Variants in RNF19A observed in about 807,000 individuals in gnomAD.
The protein encoded by RNF19A is E3 ubiquitin-protein ligase RNF19A.
RNF19A carries 32 observed loss-of-function variants against 75.7 expected under a neutral mutation model. The observed-to-expected ratio is 0.42, with a 90% CI of 0.32 to 0.57. The LOEUF (loss-of-function observed/expected upper bound fraction) is 0.57, where lower values mean the gene tolerates loss of function less well. Ranked by LOEUF, RNF19A falls within the 20% of genes least tolerant of loss-of-function variation. The pLI is 0.10. For missense variants in RNF19A, 782 were observed against 1,036.3 expected, an observed-to-expected ratio of 0.75 and a Z score of 3.37; for synonymous variants, 335 against 345.2, an observed-to-expected ratio of 0.97 and a Z score of 0.33.
intron 1 of RNF19A, among the ~76,000 whole-genome samples, chr8:100,308,710 G>T (rs1044020219): frequency 6.6e-6 from 1 of 152,028 alleles, no homozygotes; most frequent in East Asian, 1.9e-4. Flanking sequence ...AATGTGGAAT[G>T]TAAAGATCAC....
rs1440291622 is a variant in RNF19A at position 100,261,750 on chromosome 8, T to A, written c.1474A>T (p.Thr492Ser). ...VGGTNTAVDTTSVAEARHNPS... is the reference protein window; with the variant it reads ...VGGTNTAVDTSSVAEARHNPS... ...TTGTGTCTTGCTTCTGCTACTGATG[T>A]TGTGTCTAAATGCAAATATTCCAAA... Residue 492 changes from threonine (T) to serine (S), a missense_variant, in exon 8 of 10, where the codon ACA becomes TCA. Around this residue, in one of 7 missense-constraint regions of RNF19A, gnomAD observed 442 missense variants for 541.6 expected, o/e 0.82. Coordinates refer to ENST00000341084, the MANE Select transcript of RNF19A (RefSeq NM_183419.4). This position sits in a 1 kb window ranked among gnomAD's most constrained non-coding sequence, Gnocchi z 4.4. The A allele has an allele frequency of 1.9e-6, 3 of 1,613,978 alleles. No individual in the cohort carries two copies. The highest frequency in any genetic ancestry group is 1.1e-5 in the South Asian group (1 of 91,078).
At position 100,287,648 on chromosome 8, in the gene RNF19A, C is replaced by T; in HGVS notation, c.527G>A (p.Cys176Tyr). 1.9e-6 allele frequency: 3 copies of T among 1,614,082 alleles called. No individual in the cohort carries two copies. The highest frequency in any genetic ancestry group is 2.5e-6 in the Non-Finnish European group (3 of 1,180,000). Residue 176 changes from cysteine (C) to tyrosine (Y), a missense_variant, in exon 2 of 10, where the codon TGC becomes TAC. This residue lies in a region of RNF19A where 85 missense variants were observed against 177.7 expected (regional missense o/e 0.48). Transcript: ENST00000341084. The surrounding 1 kb of genome is among the most constrained non-coding windows in gnomAD (Gnocchi z 4.1). ...ATTAAACCGTTCAGTACATTCTGGG[C>T]AACTAATATTAACTCTGCTTTCAGA... Reference protein sequence around the residue: ...EISESRVNISCPECTERFNPH... With the variant: ...EISESRVNISYPECTERFNPH...
At chr8:100,334,814 C>G (rs1490794949) in intron 1 of RNF19A, among the ~76,000 whole-genome samples, 1 of 152,142 alleles carries the variant, frequency 6.6e-6, no homozygotes, top group Non-Finnish European at 1.5e-5. Flanking sequence ...TTAGATAAGT[C>G]CTTTGACATC....
At chr8:100,310,107 C>G (rs1330038834), upstream of RNF19A, 5 of 985,578 alleles carry the variant, frequency 5.1e-6, no homozygotes, top group East Asian at 3.4e-4. Flanking sequence ...ACCACCTCCC[C>G]CTCCCGCAGC....
rs59052712 is a variant in RNF19A at position 100,296,752 on chromosome 8, A to C, written c.-93-8485T>G. Among the ~76,000 whole-genome samples the C allele has an allele frequency of 5.1e-3, 782 of 152,346 alleles. 8 individuals carry two copies. Among genetic ancestry groups the C allele is most frequent in the African/African-American group, 0.018 (765 of 41,582 alleles). On this transcript the variant is annotated intron_variant, in intron 1 of 9. Coordinates refer to ENST00000341084, the MANE Select transcript of RNF19A (RefSeq NM_183419.4). ...AATCATTCCTACTCTCGCTATTTACATTATTAGTACAGCATTCACAGCTGT... is the reference window on the plus strand; with the variant it reads ...AATCATTCCTACTCTCGCTATTTACCTTATTAGTACAGCATTCACAGCTGT...
chr8:100,319,317 T>C (rs1822430718), intron 1 of RNF19A, among the ~76,000 whole-genome samples: 1 of 152,162 alleles, frequency 6.6e-6, no homozygotes, highest in Non-Finnish European at 1.5e-5. Context: ...TTTTTCTTTT[T>C]TAACACAAAA....
chr8:100,260,088 T>C lies in RNF19A; in HGVS notation c.1683-91A>G. The C allele has an allele frequency of 1.8e-6, 2 of 1,124,934 alleles. No individual in the cohort carries two copies. The highest frequency in any genetic ancestry group is 2.6e-6 in the Non-Finnish European group (2 of 766,780). 69.7% of individuals were successfully genotyped at this position (1,124,934 alleles called of 1,614,324 possible). A position where few individuals can be genotyped will look rare whatever the true frequency, so the allele number is the denominator to read the frequency against. ...TAAATAATTCAGTTAAGAACCCTAGTAACCAGAAGCTATTTTAGGAACCAT... is the reference window on the plus strand; with the variant it reads ...TAAATAATTCAGTTAAGAACCCTAGCAACCAGAAGCTATTTTAGGAACCAT... On this transcript the variant is annotated intron_variant, in intron 8 of 9. Transcript: ENST00000341084. This position sits in a 1 kb window ranked among gnomAD's most constrained non-coding sequence, Gnocchi z 4.1.
In RNF19A at chr8:100,325,420, G is replaced by A. The variant is rs567529990; in HGVS notation, c.-243+10688C>T. 3.3e-5 allele frequency among the ~76,000 whole-genome samples: 5 copies of A among 152,204 alleles called. No individual in the cohort carries two copies. Among genetic ancestry groups the A allele is most frequent in the South Asian group, 4.1e-4 (2 of 4,828 alleles). Reference sequence around the variant, plus strand: ...ATGGTGTCTGCTAATTTGCCCCTCTGTTTAACCTGGCCAGTTTCATGATCT... The same window carrying A: ...ATGGTGTCTGCTAATTTGCCCCTCTATTTAACCTGGCCAGTTTCATGATCT... On this transcript the variant is annotated intron_variant, in intron 1 of 3. Coordinates refer to the RNF19A transcript ENST00000519527. The surrounding 1 kb of genome is among the most constrained non-coding windows in gnomAD (Gnocchi z 4.3).
chr8:100,261,529 C>G lies in RNF19A; in HGVS notation c.1682+13G>C. 6.2e-7 allele frequency: 1 copy of G among 1,612,520 alleles called. No individual in the cohort carries two copies. The highest frequency in any genetic ancestry group is 1.3e-5 in the African/African-American group (1 of 74,994). Reference sequence around the variant, plus strand: ...TACCAGAAAGCAGAACCAAACCAAACCAAAACACACACCTGTTAAAACAGT... The same window carrying G: ...TACCAGAAAGCAGAACCAAACCAAAGCAAAACACACACCTGTTAAAACAGT... On this transcript the variant is annotated intron_variant, in intron 8 of 9. Transcript: ENST00000341084. The surrounding 1 kb of genome is among the most constrained non-coding windows in gnomAD (Gnocchi z 4.4).
rs918171368 is a variant in RNF19A, at chr8:100,284,382, C to G, written c.674+3119G>C. The stretch of plus-strand genomic sequence containing the variant: ...CCTACATCACCAAGTATGTGAAATA[C>G]GACCATAACAACTAACAGAGCAGTA... On this transcript the variant is annotated intron_variant, in intron 2 of 9. Transcript: ENST00000341084. This position sits in a 1 kb window ranked among gnomAD's most constrained non-coding sequence, Gnocchi z 4.3. Among the ~76,000 whole-genome samples the G allele has an allele frequency of 6.6e-6, 1 of 152,004 alleles. No individual in the cohort carries two copies. The highest frequency in any genetic ancestry group is 1.5e-5 in the Non-Finnish European group (1 of 67,956).
chr8:100,334,642 G>A (rs994607147), intron 1 of RNF19A, among the ~76,000 whole-genome samples: 1 of 152,128 alleles, frequency 6.6e-6, no homozygotes, highest in Non-Finnish European at 1.5e-5. Context: ...GACCAGCATT[G>A]GTATGTTTTC....
chr8:100,309,556 AG>A (rs1822212349), intron 1 of RNF19A: 1 of 981,988 alleles, frequency 1.0e-6, no homozygotes, highest in African/African-American at 1.7e-5. Flanking sequence ...CCGGCCGCAC[AG>A]GCACCAGGAG....
chr8:100,299,805 T>C (rs1161303405), intron 1 of RNF19A, among the ~76,000 whole-genome samples: 1 of 152,130 alleles, frequency 6.6e-6, no homozygotes, highest in Non-Finnish European at 1.5e-5. Context: ...TGGACTAATC[T>C]TATCCTAACC....
chr8:100,303,306 T>G (rs1228775816), intron 1 of RNF19A: 1 of 152,260 alleles, frequency 6.6e-6, no homozygotes, highest in African/African-American at 2.4e-5. Context: ...TCCGCCTCCA[T>G]GAGCACACTG....
At chr8:100,328,407 G>T (rs1822567193) in intron 1 of RNF19A, among the ~76,000 whole-genome samples, 3 of 152,048 alleles carry the variant, frequency 2.0e-5, no homozygotes, top group Non-Finnish European at 2.9e-5. Context: ...ACAGGTTCTA[G>T]TCTAAGGGGC....
At chr8:100,298,868 AG>A (rs1821693517) in intron 1 of RNF19A, among the ~76,000 whole-genome samples, 1 of 152,250 alleles carries the variant, frequency 6.6e-6, no homozygotes, top group Non-Finnish European at 1.5e-5. Context: ...CTCTTCGACA[AG>A]AAGCACAAAC....
In RNF19A at chr8:100,324,827, TC is replaced by T. The variant is rs534168025; in HGVS notation, c.-243+11280del. 6.8e-6 allele frequency among the ~76,000 whole-genome samples: 1 copy of T among 147,470 alleles called. No homozygotes were observed. Among genetic ancestry groups the T allele is most frequent in the Non-Finnish European group, 1.5e-5 (1 of 65,246 alleles). On this transcript the variant is annotated intron_variant, in intron 1 of 3. Coordinates refer to the RNF19A transcript ENST00000519527. The surrounding 1 kb of genome is among the most constrained non-coding windows in gnomAD (Gnocchi z 4.2). ...CTTTCTTCTTCCTTCCTTCCTTCCT[TC>T]CTCCTTCTTCCTCCCTCCCTCCCTC...
rs1189920371 is a variant in RNF19A, at chr8:100,325,477, C to G, written c.-243+10631G>C. 2.0e-5 allele frequency among the ~76,000 whole-genome samples: 3 copies of G among 152,182 alleles called. No homozygotes were observed. The highest frequency in any genetic ancestry group is 2.0e-4 in the Admixed American group (3 of 15,284). On this transcript the variant is annotated intron_variant, in intron 1 of 3. Coordinates refer to the RNF19A transcript ENST00000519527. This position sits in a 1 kb window ranked among gnomAD's most constrained non-coding sequence, Gnocchi z 4.3. ...CTGGTGAGACCACACCTTGTCACCT[C>G]TAGGTCCTCCCTTTTCAGTAAGTGA...
chr8:100,335,391 G>A (rs1264123676), intron 1 of RNF19A, among the ~76,000 whole-genome samples: 4 of 152,152 alleles, frequency 2.6e-5, no homozygotes, highest in Admixed American at 1.3e-4. Flanking sequence ...TGCTAGCTGG[G>A]AAGTGGCAGA....
Sources: allele counts gnomAD v4.1 joint callset (sites outside exome capture counted in the v4.1 genomes callset), GRCh38; gene constraint gnomAD v4.1.1; regional missense constraint gnomAD v4.1.1; non-coding constraint Gnocchi (gnomAD v3.1); transcripts MANE v1.5; gene names NCBI Gene and HGNC (gene_info 2026-07-23, HGNC 2026-07-21).